ANKRD17: variants seen among roughly 807,000 people sequenced by gnomAD.
ANKRD17 encodes ankyrin repeat domain 17.
ANKRD17 carries 19 observed loss-of-function variants against 229.7 expected under a neutral mutation model. The observed-to-expected ratio is 0.08, with a 90% CI of 0.06 to 0.12. The LOEUF (loss-of-function observed/expected upper bound fraction) is 0.12, where lower values mean the gene tolerates loss of function less well. Among genes scored for constraint, ANKRD17 ranks in the 10% least tolerant of loss-of-function variants. The probability of loss-of-function intolerance (pLI) is 1.00; values close to 1 mark genes in which losing one functional copy is unlikely to be tolerated. For synonymous variants in ANKRD17, 1,112 were observed against 1,146.1 expected, an observed-to-expected ratio of 0.97 and a Z score of 0.60; for missense variants, 2,176 against 3,176.8, an observed-to-expected ratio of 0.68 and a Z score of 7.57.
chr4:73,254,536 G>A (rs1745290181), intron 1 of ANKRD17, among the ~76,000 whole-genome samples: 1 of 152,180 alleles, frequency 6.6e-6, no homozygotes, highest in Non-Finnish European at 1.5e-5. Context: ...GGGAGGCTGA[G>A]GCCAGTGGAT....
intron 1 of ANKRD17, among the ~76,000 whole-genome samples, chr4:73,253,836 C>G (rs2149288664): frequency 6.6e-6 from 1 of 152,300 alleles, no homozygotes; most frequent in South Asian, 2.1e-4. Context: ...ATGTTGAAAT[C>G]TGAACTTCAG....
chr4:73,098,937 C>T, intron 25 of ANKRD17: 1 of 1,005,450 alleles, frequency 9.9e-7, no homozygotes, highest in South Asian at 1.3e-5. Flanking sequence ...AGTTCCGGGA[C>T]AGCACTGGTA....
At chr4:73,147,151 G>GT (rs1262432709) in intron 9 of ANKRD17, 90 bp downstream of exon 9, 1 of 1,233,862 alleles carries the variant, frequency 8.1e-7, no homozygotes, top group Non-Finnish European at 1.1e-6. Context: ...CACATTCAGT[G>GT]TATCATAGCA....
chr4:73,097,204 G>A lies in ANKRD17; in HGVS notation c.5090C>T (p.Pro1697Leu), dbSNP rs940237009. ...LSTCTKSGPS[P>L]LSSPNGKLTV... Reference sequence around the variant, plus strand: ...TAACTTCCCATTTGGAGAAGAAAGGGGAGATGGACCAGATTTTGTACAAGT... The same window carrying A: ...TAACTTCCCATTTGGAGAAGAAAGGAGAGATGGACCAGATTTTGTACAAGT... The change falls in exon 27 of 34, where the codon CCC becomes CTC. Residue 1697 changes from proline (P) to leucine (L), a missense_variant. Around this residue, in one of 18 missense-constraint regions of ANKRD17, gnomAD observed 98 missense variants for 101.0 expected, o/e 0.97. Coordinates refer to ENST00000358602, the MANE Select transcript of ANKRD17 (RefSeq NM_032217.5). 3 of 1,612,300 alleles carry A rather than the reference G, an allele frequency of 1.9e-6. No individual in the cohort carries two copies. The highest frequency in any genetic ancestry group is 2.5e-6 in the Non-Finnish European group (3 of 1,179,278).
chr4:73,166,559 CAA>C (rs977786445), intron 2 of ANKRD17, among the ~76,000 whole-genome samples: 5 of 152,024 alleles, frequency 3.3e-5, no homozygotes, highest in African/African-American at 1.2e-4. Context: ...CTCAACATCA[CAA>C]AAAGAGAAGC....
At chr4:73,204,358 C>CAAAAAAAAAA (rs374000000) in intron 1 of ANKRD17, among the ~76,000 whole-genome samples, 108 of 58,460 alleles carry the variant, frequency 1.8e-3, no homozygotes, top group East Asian at 2.8e-3. Flanking sequence ...GAGACTCCGT[C>CAAAAAAAAAA]AAAAAAAAAA....
At chr4:73,248,790 T>C (rs1308552120) in intron 1 of ANKRD17, among the ~76,000 whole-genome samples, 1 of 151,750 alleles carries the variant, frequency 6.6e-6, no homozygotes, top group Non-Finnish European at 1.5e-5. Context: ...GGGAAGGAAA[T>C]AGTTCAGATT....
chr4:73,090,561 CTT>C (rs1722696238), intron 29 of ANKRD17, 104 bp downstream of exon 29: 1 of 1,404,986 alleles, frequency 7.1e-7, no homozygotes, highest in Non-Finnish European at 9.7e-7. Context: ...ATCCAACAAT[CTT>C]TGTCTATATC....
chr4:73,074,692 A>G lies in ANKRD17; in HGVS notation c.*1539T>C, dbSNP rs900297137. On this transcript the variant is annotated 3_prime_UTR_variant, in exon 34 of 34. Coordinates refer to ENST00000358602, the MANE Select transcript of ANKRD17 (RefSeq NM_032217.5). Reference sequence around the variant, plus strand: ...CCAAGGAACCATGTTAATATCATCAACTCTAGGTGATTTATATGAATTTTA... The same window carrying G: ...CCAAGGAACCATGTTAATATCATCAGCTCTAGGTGATTTATATGAATTTTA... The G allele has an allele frequency of 1.3e-5, 2 of 151,924 alleles. No homozygotes were observed. The highest frequency in any genetic ancestry group is 4.8e-5 in the African/African-American group (2 of 41,292). The allele number at this position is 151,924 out of a possible 1,614,324, so 9.4% of individuals were successfully genotyped here. A position where few individuals can be genotyped will look rare whatever the true frequency, so the allele number is the denominator to read the frequency against.
chr4:73,105,591 G>A (rs978750361), intron 24 of ANKRD17, among the ~76,000 whole-genome samples: 16 of 151,928 alleles, frequency 1.1e-4, no homozygotes, highest in Admixed American at 5.9e-4. Flanking sequence ...GATTTGGCGT[G>A]CTTTGTGAAC....
At position 73,135,799 on chromosome 4, in the gene ANKRD17, G is replaced by C. The variant is rs115141429; in HGVS notation, c.3086-534C>G. On this transcript the variant is annotated intron_variant, in intron 15 of 33. Coordinates refer to ENST00000358602, the MANE Select transcript of ANKRD17 (RefSeq NM_032217.5). Reference sequence around the variant, plus strand: ...GCAGACTGGGATATAGTAATATTCTGCATTGTAGCCCTCTGGAATGACAGG... The same window carrying C: ...GCAGACTGGGATATAGTAATATTCTCCATTGTAGCCCTCTGGAATGACAGG... Among the ~76,000 whole-genome samples, 938 of 152,162 alleles carry C rather than the reference G, an allele frequency of 6.2e-3. 11 individuals are homozygous for C. Among genetic ancestry groups the C allele is most frequent in the African/African-American group, 0.019 (779 of 41,512 alleles).
chr4:73,239,255 G>A (rs1203385169), intron 1 of ANKRD17, among the ~76,000 whole-genome samples: 1 of 152,128 alleles, frequency 6.6e-6, no homozygotes, highest in Non-Finnish European at 1.5e-5. Flanking sequence ...ACAATAAAAT[G>A]TCAGTTACAG....
intron 1 of ANKRD17, among the ~76,000 whole-genome samples, chr4:73,240,671 G>A (rs1018285739): frequency 5.9e-5 from 9 of 151,928 alleles, no homozygotes; most frequent in African/African-American, 2.2e-4. Context: ...TTGATTAAGT[G>A]GAAAACATCT....
chr4:73,104,007 G>A (rs1021843229), intron 24 of ANKRD17: 2 of 152,102 alleles, frequency 1.3e-5, no homozygotes, highest in African/African-American at 4.8e-5. Flanking sequence ...ACTTACCTTA[G>A]GCTAGGTGAG....
chr4:73,223,229 C>A lies in ANKRD17; in HGVS notation c.393+35047G>T, dbSNP rs915217750. On this transcript the variant is annotated intron_variant, in intron 1 of 33. Transcript: ENST00000358602. ...TTTTTAAAGATACAGAAGCTCTATT[C>A]CAAAGCAAACTTCTGTCAAGTAATT... is the stretch of plus-strand genomic sequence containing the variant. The A allele has an allele frequency of 9.4e-6, 4 of 424,116 alleles. No homozygotes were observed. In the South Asian group the frequency reaches 2.7e-4, roughly 28 times the overall value. The allele number at this position is 424,116 out of a possible 1,614,324, so 26.3% of individuals were successfully genotyped here.
chr4:73,119,654 G>C (rs1726445759), intron 21 of ANKRD17, among the ~76,000 whole-genome samples: 1 of 152,232 alleles, frequency 6.6e-6, no homozygotes, highest in African/African-American at 2.4e-5. Context: ...AAAGGTCTTT[G>C]AGAGTGCACG....
intron 1 of ANKRD17, among the ~76,000 whole-genome samples, chr4:73,198,311 AAATT>A (rs1738170970): frequency 6.6e-6 from 1 of 152,230 alleles, no homozygotes; most frequent in Non-Finnish European, 1.5e-5. Context: ...TGAGACTTTT[AAATT>A]ATCCAAACAA....
chr4:73,078,237 C>T (rs1185187085), intron 31 of ANKRD17, among the ~76,000 whole-genome samples: 4 of 152,154 alleles, frequency 2.6e-5, no homozygotes, highest in Admixed American at 1.3e-4. Context: ...ATTAGCCGGG[C>T]GTGGTGGCGG....
intron 31 of ANKRD17, 141 bp downstream of exon 31, chr4:73,078,501 G>T: frequency 1.0e-6 from 1 of 990,238 alleles, no homozygotes; most frequent in Non-Finnish European, 1.4e-6. Context: ...TCACCCCATT[G>T]CACTCCAGCC....
Sources: allele counts gnomAD v4.1 joint callset (sites outside exome capture counted in the v4.1 genomes callset), GRCh38; gene constraint gnomAD v4.1.1; regional missense constraint gnomAD v4.1.1; transcripts MANE v1.5; gene names NCBI Gene and HGNC (gene_info 2026-07-23, HGNC 2026-07-21).